The following PHF24 variants were observed in gnomAD, a reference collection of about 807,000 sequenced individuals.
PHF24 encodes the protein Galpha inhibitory interacting protein.
A neutral mutation model predicts 42.6 loss-of-function variants in PHF24; 25 were observed. The observed-to-expected ratio is 0.59, with a 90% confidence interval of 0.43 to 0.82. The LOEUF is 0.82. Ranked by LOEUF, PHF24 falls within the 40% of genes least tolerant of loss-of-function variation. PHF24 has a pLI of 0.00. For missense variants in PHF24, 470 were observed against 538.1 expected (o/e 0.87, Z 1.25); for synonymous variants, 185 against 204.8 (o/e 0.90, Z 0.83).
At chr9:34,944,329 T>C in the PHF24 span, among the ~76,000 whole-genome samples, 1 of 152,262 alleles carries the variant, frequency 6.6e-6, no homozygotes, top group African/African-American at 2.4e-5. Context: ...ACCTAGCTTC[T>C]GCCAATATGT....
chr9:34,842,686 C>G, the PHF24 span, among the ~76,000 whole-genome samples: 2 of 152,182 alleles, frequency 1.3e-5, no homozygotes, highest in Non-Finnish European at 2.9e-5. Flanking sequence ...GTACATCCAG[C>G]CTCAAGAACT....
At chr9:34,774,933 A>C in the PHF24 span, among the ~76,000 whole-genome samples, 1 of 152,210 alleles carries the variant, frequency 6.6e-6, no homozygotes, top group Non-Finnish European at 1.5e-5. Flanking sequence ...ATGTGCAGAA[A>C]TTGGAACCCT....
chr9:34,873,451 T>A, the PHF24 span, among the ~76,000 whole-genome samples: 2 of 151,482 alleles, frequency 1.3e-5, no homozygotes, highest in South Asian at 4.1e-4. Flanking sequence ...GCACCATCTA[T>A]TAAATAGGGA....
chr9:34,891,679 T>C, the PHF24 span, among the ~76,000 whole-genome samples: 1 of 152,200 alleles, frequency 6.6e-6, no homozygotes, highest in Non-Finnish European at 1.5e-5. Context: ...CCTCTGGGCA[T>C]GGTCTAGGAG....
At chr9:34,710,035 A>G in the PHF24 span, 1 of 1,614,106 alleles carries the variant, frequency 6.2e-7, no homozygotes, top group Non-Finnish European at 8.5e-7. Flanking sequence ...CAGAACCAGG[A>G]TAAGGAGGCT....
chr9:34,962,793 T>C (rs944065384), intron 1 of PHF24, among the ~76,000 whole-genome samples: 6 of 152,214 alleles, frequency 3.9e-5, no homozygotes, highest in African/African-American at 7.2e-5. Flanking sequence ...AAGTCAGCAC[T>C]GTGGCTTTTA....
chr9:34,703,697 T>A, the PHF24 span, among the ~76,000 whole-genome samples: 3 of 139,884 alleles, frequency 2.1e-5, no homozygotes, highest in Admixed American at 7.1e-5. Flanking sequence ...ATTCCTCTAC[T>A]TTCTTAATAA....
At chr9:34,938,152 T>TA in the PHF24 span, among the ~76,000 whole-genome samples, 1 of 152,190 alleles carries the variant, frequency 6.6e-6, no homozygotes, top group African/African-American at 2.4e-5. Context: ...TACAAAATCA[T>TA]AGAGGATTTT....
the PHF24 span, among the ~76,000 whole-genome samples, chr9:34,847,529 A>C: frequency 4.6e-5 from 7 of 152,104 alleles, no homozygotes; most frequent in African/African-American, 1.7e-4. Flanking sequence ...CTAGATATAC[A>C]ATCATGTCAT....
the PHF24 span, among the ~76,000 whole-genome samples, chr9:34,679,071 A>G: frequency 1.8e-3 from 275 of 152,360 alleles, 1 homozygote; most frequent in African/African-American, 6.0e-3. Flanking sequence ...AGAAAGTCCA[A>G]CCAATCTGGA....
the PHF24 span, among the ~76,000 whole-genome samples, chr9:34,751,559 G>T: frequency 0.78 from 118,753 of 152,144 alleles, 47,011 homozygotes; most frequent in East Asian, 0.95. Context: ...AAACAAATAT[G>T]ATTAGAGCTA....
the PHF24 span, among the ~76,000 whole-genome samples, chr9:34,790,232 G>C: frequency 6.3e-3 from 959 of 152,282 alleles, 8 homozygotes; most frequent in Middle Eastern, 0.037. Context: ...TCAATAACAA[G>C]AGTGATGCCA....
intron 1 of PHF24, among the ~76,000 whole-genome samples, chr9:34,969,640 C>CAG: frequency 8.1e-6 from 1 of 124,162 alleles, no homozygotes; most frequent in African/African-American, 3.0e-5. Context: ...GACTCTGTCT[C>CAG]AAAAAAAAAA....
the PHF24 span, chr9:34,709,312 GCCT>G: frequency 6.5e-7 from 1 of 1,541,126 alleles, no homozygotes; most frequent in Admixed American, 1.9e-5. Flanking sequence ...CCTGAGCATA[GCCT>G]CCTTCTTGCA....
At chr9:34,789,381 C>T in the PHF24 span, among the ~76,000 whole-genome samples, 2 of 152,168 alleles carry the variant, frequency 1.3e-5, no homozygotes, top group Non-Finnish European at 2.9e-5. Context: ...TTGGCTGATT[C>T]TTTCTTCCAA....
the PHF24 span, among the ~76,000 whole-genome samples, chr9:34,912,619 C>T: frequency 6.6e-6 from 1 of 152,264 alleles, no homozygotes; most frequent in South Asian, 2.1e-4. Context: ...AAAGAGCAGA[C>T]CCAAACAGCA....
At chr9:34,727,954 C>T in the PHF24 span, 1 of 1,458,466 alleles carries the variant, frequency 6.9e-7, no homozygotes, top group South Asian at 1.3e-5. Context: ...AGTCCTGCCC[C>T]AGGCCAAGCC....
chr9:34,768,472 A>C, the PHF24 span, among the ~76,000 whole-genome samples: 1 of 152,110 alleles, frequency 6.6e-6, no homozygotes, highest in Admixed American at 6.5e-5. Flanking sequence ...TTTTTTTGTG[A>C]CCTTGGGCAA....
the PHF24 span, among the ~76,000 whole-genome samples, chr9:34,852,443 A>G: frequency 6.6e-6 from 1 of 152,286 alleles, no homozygotes; most frequent in South Asian, 2.1e-4. Context: ...CCCCTTAGCA[A>G]TTCTTATAAG....
Sources: gnomAD v4.1 joint callset for allele counts (sites outside exome capture counted in the v4.1 genomes callset) on GRCh38, gnomAD v4.1.1 for gene constraint, MANE v1.5 for transcripts, NCBI Gene and HGNC (gene_info 2026-07-23, HGNC 2026-07-21) for gene names.